The following GJB7 variants were observed in gnomAD, a reference collection of about 807,000 sequenced individuals.
The protein encoded by GJB7 is gap junction beta-7 protein.
For synonymous variants in GJB7, 87 were observed against 95.2 expected (o/e 0.91, Z 0.50); for missense variants, 253 against 256.8 (o/e 0.99, Z 0.10).
intron 2 of GJB7, among the ~76,000 whole-genome samples, chr6:87,292,369 G>C (rs1776188402): frequency 6.6e-6 from 1 of 152,142 alleles, no homozygotes; most frequent in South Asian, 2.1e-4. Context: ...TCTTTGATGA[G>C]CTTAATTTAA....
At chr6:87,301,907 C>T (rs1286422863) in intron 2 of GJB7, among the ~76,000 whole-genome samples, 2 of 152,166 alleles carry the variant, frequency 1.3e-5, no homozygotes, top group African/African-American at 2.4e-5. Context: ...CTGCTGATAC[C>T]CAGGCAAACA....
At position 87,323,737 on chromosome 6, in the gene GJB7, G is replaced by A. The variant is rs1158752581; in HGVS notation, c.-205-694C>T. ...GTGAATAATGCCGCAATAAACATAC[G>A]TGTGCTTGTGTCTTTACAGCAGCAT... is the stretch of plus-strand genomic sequence containing the variant. On this transcript the variant is annotated intron_variant, in intron 1 of 2. Coordinates refer to ENST00000525899, the MANE Select transcript of GJB7 (RefSeq NM_198568.3). Among the ~76,000 whole-genome samples, 5 of 152,146 alleles carry A rather than the reference G, an allele frequency of 3.3e-5. 1 individual carries two copies. The highest frequency in any genetic ancestry group is 2.0e-4 in the Admixed American group (3 of 15,278).
chr6:87,302,861 G>A (rs746080046), intron 2 of GJB7, among the ~76,000 whole-genome samples: 3 of 152,174 alleles, frequency 2.0e-5, no homozygotes, highest in Non-Finnish European at 4.4e-5. Context: ...AGAAGAGAGT[G>A]GGGGCCAATA....
intron 2 of GJB7, among the ~76,000 whole-genome samples, chr6:87,303,138 CTAACATCA>C (rs1776363124): frequency 6.6e-6 from 1 of 151,886 alleles, no homozygotes; most frequent in Non-Finnish European, 1.5e-5. Flanking sequence ...AAATAACCAG[CTAACATCA>C]TAATGACAGG....
chr6:87,292,966 G>T (rs1192162438), intron 2 of GJB7, among the ~76,000 whole-genome samples: 1 of 152,146 alleles, frequency 6.6e-6, no homozygotes, highest in Admixed American at 6.5e-5. Context: ...ACAACCCTTG[G>T]TTATTCCATA....
chr6:87,283,438 G>T lies in GJB7; in HGVS notation c.*803C>A, dbSNP rs139313778. ...CCCTTTCGGATGTCTGCTGGTTCAG[G>T]CTTAAGTGGGATACCTCCCAGTAAT... On this transcript the variant is annotated 3_prime_UTR_variant, in exon 3 of 3. Transcript: ENST00000525899. 2.0e-5 allele frequency: 3 copies of T among 152,324 alleles called. No individual in the cohort carries two copies. Among genetic ancestry groups the T allele is most frequent in the Non-Finnish European group, 4.4e-5 (3 of 68,054 alleles). 9.4% of individuals were successfully genotyped at this position (152,324 alleles called of 1,614,324 possible). A position where few individuals can be genotyped will look rare whatever the true frequency, so the allele number is the denominator to read the frequency against.
At chr6:87,301,679 A>G (rs1366555243) in intron 2 of GJB7, among the ~76,000 whole-genome samples, 1 of 152,190 alleles carries the variant, frequency 6.6e-6, no homozygotes, top group Non-Finnish European at 1.5e-5. Context: ...CTTTGAAGAG[A>G]GTAATCGTTC....
At chr6:87,296,837 C>T (rs1448775442) in intron 2 of GJB7, among the ~76,000 whole-genome samples, 1 of 152,070 alleles carries the variant, frequency 6.6e-6, no homozygotes, top group Non-Finnish European at 1.5e-5. Context: ...AAGACCTAGC[C>T]ATCTTTTCTT....
intron 2 of GJB7, among the ~76,000 whole-genome samples, chr6:87,302,971 C>G (rs1213889677): frequency 1.3e-5 from 2 of 152,158 alleles, no homozygotes; most frequent in Non-Finnish European, 2.9e-5. Flanking sequence ...TACAGACAAG[C>G]AAATGCTGAG....
intron 2 of GJB7, among the ~76,000 whole-genome samples, chr6:87,320,429 C>G (rs1324451470): frequency 1.3e-5 from 2 of 152,178 alleles, no homozygotes; most frequent in African/African-American, 2.4e-5. Flanking sequence ...TTGGTACCTT[C>G]TATTCCAACT....
intron 2 of GJB7, among the ~76,000 whole-genome samples, chr6:87,286,283 A>G (rs1364363953): frequency 6.6e-6 from 1 of 152,160 alleles, no homozygotes; most frequent in Admixed American, 6.5e-5. Context: ...TTGCCCTTCA[A>G]CTTCATTCTT....
chr6:87,310,268 G>A (rs1776496464), intron 2 of GJB7, among the ~76,000 whole-genome samples: 1 of 152,256 alleles, frequency 6.6e-6, no homozygotes, highest in South Asian at 2.1e-4. Context: ...AGATTTCTTA[G>A]ATATGATATG....
At chr6:87,301,827 G>A (rs376461697) in intron 2 of GJB7, among the ~76,000 whole-genome samples, 11 of 152,230 alleles carry the variant, frequency 7.2e-5, no homozygotes, top group Non-Finnish European at 8.8e-5. Flanking sequence ...CCTCTGAGAC[G>A]AAGCTTCCAG....
chr6:87,324,753 G>T (rs1776773192), intron 1 of GJB7, among the ~76,000 whole-genome samples: 1 of 152,052 alleles, frequency 6.6e-6, no homozygotes, highest in South Asian at 2.1e-4. Flanking sequence ...GGCGATGTGG[G>T]CTCTTTTTTG....
At chr6:87,287,553 CACAA>C (rs1776083366) in intron 2 of GJB7, among the ~76,000 whole-genome samples, 2 of 152,084 alleles carry the variant, frequency 1.3e-5, no homozygotes, top group South Asian at 4.1e-4. Flanking sequence ...GTTTTCAGAA[CACAA>C]ACAAAATTGT....
At chr6:87,323,535 T>G (rs918245008) in intron 1 of GJB7, among the ~76,000 whole-genome samples, 9 of 151,430 alleles carry the variant, frequency 5.9e-5, no homozygotes, top group Non-Finnish European at 1.3e-4. Flanking sequence ...TTTGCTTTTT[T>G]GTTCTTGCGA....
At chr6:87,301,579 C>T (rs1023557100) in intron 2 of GJB7, among the ~76,000 whole-genome samples, 11 of 152,308 alleles carry the variant, frequency 7.2e-5, no homozygotes, top group Non-Finnish European at 1.6e-4. Context: ...GGCCTGCCTG[C>T]CTGTATAGAC....
At chr6:87,304,066 G>T (rs1776380470) in intron 2 of GJB7, among the ~76,000 whole-genome samples, 1 of 152,130 alleles carries the variant, frequency 6.6e-6, no homozygotes, top group South Asian at 2.1e-4. Flanking sequence ...GCCCACAAGA[G>T]AAAGCAGGAA....
chr6:87,307,850 A>G (rs1362853202), intron 2 of GJB7, among the ~76,000 whole-genome samples: 12 of 152,214 alleles, frequency 7.9e-5, no homozygotes, highest in Non-Finnish European at 1.3e-4. Flanking sequence ...TAGAAATACC[A>G]TTTGACCCAG....
Sources: gnomAD v4.1 joint callset for allele counts (sites outside exome capture counted in the v4.1 genomes callset) on GRCh38, gnomAD v4.1.1 for gene constraint, MANE v1.5 for transcripts, NCBI Gene and HGNC (gene_info 2026-07-23, HGNC 2026-07-21) for gene names.